FBXO36: variants seen among roughly 807,000 people sequenced by gnomAD.
The protein encoded by FBXO36 is F-box protein 36.
In FBXO36, 18 loss-of-function variants were observed where a neutral mutation model predicts 17.0. That is an observed-to-expected ratio of 1.06 (90% confidence interval 0.73 to 1.57). The LOEUF is 1.57. FBXO36 is among the 40% of genes most tolerant of loss of function. The pLI, the probability that FBXO36 is intolerant of heterozygous loss-of-function variation, is 0.00. For synonymous variants in FBXO36, 83 were observed against 85.3 expected (o/e 0.97, Z 0.15); for missense variants, 229 against 221.9 (o/e 1.03, Z -0.20).
At chr2:229,946,618 A>C (rs773676587) in intron 1 of FBXO36, among the ~76,000 whole-genome samples, 2 of 152,242 alleles carry the variant, frequency 1.3e-5, no homozygotes, top group African/African-American at 2.4e-5. Context: ...ATGATCAGCA[A>C]CAGGCAACAT....
At chr2:229,939,283 T>G (rs1010641922) in intron 1 of FBXO36, 16 of 984,754 alleles carry the variant, frequency 1.6e-5, no homozygotes, top group Non-Finnish European at 1.9e-5. Flanking sequence ...GATATACAAT[T>G]TTTTTGCACA....
intron 1 of FBXO36, among the ~76,000 whole-genome samples, chr2:229,960,806 A>G (rs1281798800): frequency 6.6e-6 from 1 of 152,260 alleles, no homozygotes; most frequent in Middle Eastern, 3.4e-3. Context: ...TGGAGGTAGC[A>G]GTTTAAATGT....
chr2:229,981,709 AAAAAAAAAGAAAG>A (rs2106199197), intron 2 of FBXO36, among the ~76,000 whole-genome samples: 1 of 148,288 alleles, frequency 6.7e-6, no homozygotes, highest in Admixed American at 6.8e-5. Context: ...CTCAAAAAAA[AAAAAAAAAGAAAG>A]AAAGAAAAAG....
At chr2:229,970,819 A>G (rs901104752) in intron 1 of FBXO36, among the ~76,000 whole-genome samples, 1 of 152,352 alleles carries the variant, frequency 6.6e-6, no homozygotes, top group East Asian at 1.9e-4. Context: ...TAATGTTACT[A>G]TAACTTATAA....
intron 3 of FBXO36, among the ~76,000 whole-genome samples, chr2:229,998,247 G>A (rs756776119): frequency 1.6e-4 from 25 of 152,158 alleles, no homozygotes; most frequent in Non-Finnish European, 3.1e-4. Flanking sequence ...TGAGGAGGGA[G>A]GATTGGTTGA....
At chr2:229,941,656 G>T (rs2076999309) in intron 1 of FBXO36, among the ~76,000 whole-genome samples, 1 of 151,912 alleles carries the variant, frequency 6.6e-6, no homozygotes, top group African/African-American at 2.4e-5. Context: ...GATAGGAGGG[G>T]ATTTGTTACT....
At chr2:229,981,214 C>A (rs1166043153) in intron 2 of FBXO36, among the ~76,000 whole-genome samples, 1 of 152,102 alleles carries the variant, frequency 6.6e-6, no homozygotes, top group Non-Finnish European at 1.5e-5. Flanking sequence ...CAAAGTCAGG[C>A]GCAGTGGCTC....
intron 1 of FBXO36, 40 bp downstream of exon 1, chr2:229,922,649 T>C (rs370257979): frequency 2.1e-5 from 34 of 1,597,116 alleles, no homozygotes; most frequent in South Asian, 3.3e-5. Context: ...CCTAACTCCC[T>C]ACCTGGCCCG....
chr2:229,974,987 A>G (rs948773726), intron 1 of FBXO36, among the ~76,000 whole-genome samples: 1 of 152,158 alleles, frequency 6.6e-6, no homozygotes, highest in African/African-American at 2.4e-5. Flanking sequence ...AATCGGTGGA[A>G]GTTTTGTCAT....
chr2:229,992,679 G>T (rs1025181858), intron 2 of FBXO36, among the ~76,000 whole-genome samples: 3 of 152,208 alleles, frequency 2.0e-5, no homozygotes, highest in African/African-American at 7.2e-5. Flanking sequence ...CTGTGTAACA[G>T]ATTATCCCAA....
At chr2:229,999,631 G>A (rs1201033154) in intron 3 of FBXO36, among the ~76,000 whole-genome samples, 2 of 151,494 alleles carry the variant, frequency 1.3e-5, no homozygotes, top group African/African-American at 4.8e-5. Flanking sequence ...TCCCACCTCA[G>A]CCTCCCAAAG....
chr2:229,968,114 C>T (rs1432661255), intron 1 of FBXO36, among the ~76,000 whole-genome samples: 2 of 151,684 alleles, frequency 1.3e-5, no homozygotes, highest in Non-Finnish European at 2.9e-5. Flanking sequence ...CCCACTGGTT[C>T]CTAAATCATT....
intron 1 of FBXO36, among the ~76,000 whole-genome samples, chr2:229,935,457 G>A (rs1402329292): frequency 2.0e-5 from 3 of 152,074 alleles, no homozygotes; most frequent in Admixed American, 6.5e-5. Flanking sequence ...AGGTTGCAGC[G>A]AGCCAAGATC....
chr2:229,992,129 CACAA>C (rs1450778285), intron 2 of FBXO36, among the ~76,000 whole-genome samples: 1 of 151,782 alleles, frequency 6.6e-6, no homozygotes, highest in Non-Finnish European at 1.5e-5. Context: ...AGCTAAATGG[CACAA>C]CCCATAAGTT....
At chr2:229,955,578 C>G (rs1314615031) in intron 1 of FBXO36, among the ~76,000 whole-genome samples, 1 of 151,966 alleles carries the variant, frequency 6.6e-6, no homozygotes, top group Non-Finnish European at 1.5e-5. Context: ...CCTCCCTTTT[C>G]TCTCCCTCAT....
chr2:229,950,167 C>T (rs547664594), intron 1 of FBXO36, among the ~76,000 whole-genome samples: 3 of 152,098 alleles, frequency 2.0e-5, no homozygotes, highest in Non-Finnish European at 2.9e-5. Context: ...GTGGCTCATG[C>T]CTGTAATCCC....
At chr2:229,934,485 G>A (rs922552242) in intron 1 of FBXO36, among the ~76,000 whole-genome samples, 4 of 152,118 alleles carry the variant, frequency 2.6e-5, no homozygotes, top group Admixed American at 6.5e-5. Context: ...CTTTTCCTAC[G>A]ACCACAGCAC....
intron 1 of FBXO36, among the ~76,000 whole-genome samples, chr2:229,951,607 A>G (rs1453756619): frequency 2.0e-5 from 3 of 152,214 alleles, no homozygotes; most frequent in Non-Finnish European, 2.9e-5. Flanking sequence ...ACTCAGGTAG[A>G]CTGGAATCTC....
intron 1 of FBXO36, among the ~76,000 whole-genome samples, chr2:229,954,047 A>G (rs1318344857): frequency 6.6e-6 from 1 of 151,806 alleles, no homozygotes; most frequent in African/African-American, 2.4e-5. Context: ...TTATTTTTGT[A>G]GAGACGGGGT....
Sources: gnomAD v4.1 joint callset for allele counts (sites outside exome capture counted in the v4.1 genomes callset) on GRCh38, gnomAD v4.1.1 for gene constraint, MANE v1.5 for transcripts, NCBI Gene and HGNC (gene_info 2026-07-23, HGNC 2026-07-21) for gene names.